The following RANBP2 variants were observed in gnomAD, a reference collection of about 807,000 sequenced individuals.
RANBP2 encodes E3 SUMO-protein ligase RanBP2.
Under a neutral mutation model 303.6 loss-of-function variants are expected in RANBP2, and 57 were observed. The ratio of observed to expected loss-of-function variants is 0.19; its 90% CI spans 0.15 to 0.23. RANBP2 has a LOEUF of 0.23. Ranked by LOEUF, RANBP2 falls within the 10% of genes least tolerant of loss-of-function variation. The pLI is 1.00. For synonymous variants in RANBP2, 1,167 were observed against 1,301.5 expected (o/e 0.90, Z 2.23); for missense variants, 3,138 against 3,780.8 (o/e 0.83, Z 4.46).
chr2:109,217,363 G>A, the RANBP2 span, among the ~76,000 whole-genome samples: 5,184 of 152,282 alleles, frequency 0.034, 266 homozygotes, highest in African/African-American at 0.11. Context: ...ACCATATCGT[G>A]AATGAGGCTA....
At chr2:109,174,265 G>A in the RANBP2 span, among the ~76,000 whole-genome samples, 3 of 152,370 alleles carry the variant, frequency 2.0e-5, no homozygotes, top group East Asian at 5.8e-4. Context: ...GGAAACACAG[G>A]CAGAGAGAAG....
chr2:109,451,313 C>T, the RANBP2 span, among the ~76,000 whole-genome samples: 1 of 152,200 alleles, frequency 6.6e-6, no homozygotes, highest in Non-Finnish European at 1.5e-5. Context: ...GGCTGGGTCT[C>T]ATCAGGAGGG....
Position 108,765,525 on chromosome 2 carries a change from C to G in RANBP2, c.4986C>G (p.Phe1662Leu), listed in dbSNP as rs777676139. 6.4e-7 allele frequency: 1 copy of G among 1,563,934 alleles called. No individual in the cohort carries two copies. The highest frequency in any genetic ancestry group is 8.6e-7 in the Non-Finnish European group (1 of 1,159,904). The change falls in exon 20 of 29, where the codon TTC becomes TTG. Residue 1662 changes from phenylalanine to leucine, a missense_variant. By Grantham distance (22) the Phe-to-Leu change is conservative. Around this residue, in one of 20 missense-constraint regions of RANBP2, gnomAD observed 51 missense variants for 112.1 expected, o/e 0.45. Transcript: ENST00000283195. The part of the protein sequence containing the change: ...KAPKSGFEGM[F>L]TKKEGQWDCS... ...CAAAGAGCGGATTTGAGGGAATGTT[C>G]ACTAAGAAGGAGGGACAGTGGGATT...
the RANBP2 span, among the ~76,000 whole-genome samples, chr2:108,851,395 A>G: frequency 3.3e-5 from 5 of 152,050 alleles, no homozygotes; most frequent in Admixed American, 2.0e-4. Context: ...TCTGCCTCCC[A>G]GGTTCAAGCA....
chr2:108,746,085 A>AT lies in RANBP2; in HGVS notation c.976-620dup, dbSNP rs577063925. On this transcript the variant is annotated intron_variant, in intron 7 of 28. Transcript: ENST00000283195. Reference sequence around the variant, plus strand: ...CCATGCCTGGCTAATTAAAAAAAACATTTTTTAGAGATAGGGTCTCACCGT... The same window carrying AT: ...CCATGCCTGGCTAATTAAAAAAAACATTTTTTTAGAGATAGGGTCTCACCGT... Among the ~76,000 whole-genome samples, 680 of 150,048 alleles carry AT rather than the reference A, an allele frequency of 4.5e-3. 4 individuals are homozygous for AT. The highest frequency in any genetic ancestry group is 0.016 in the African/African-American group (649 of 40,690).
chr2:109,009,253 T>G, the RANBP2 span, among the ~76,000 whole-genome samples: 530 of 151,956 alleles, frequency 3.5e-3, 1 homozygote, highest in Admixed American at 6.8e-3. Flanking sequence ...GGCAGGAGAA[T>G]GGCATCAACC....
chr2:108,738,206 G>T (rs967397326), intron 6 of RANBP2, among the ~76,000 whole-genome samples: 1 of 150,938 alleles, frequency 6.6e-6, no homozygotes, highest in African/African-American at 2.4e-5. Flanking sequence ...CTCCCAAGTA[G>T]CTGGGCCTAC....
At chr2:108,988,560 G>A in the RANBP2 span, among the ~76,000 whole-genome samples, 4 of 152,142 alleles carry the variant, frequency 2.6e-5, 1 homozygote, top group Non-Finnish European at 5.9e-5. Flanking sequence ...TTGGAGGCAG[G>A]TACAGAGCCC....
chr2:109,357,223 C>G, the RANBP2 span, among the ~76,000 whole-genome samples: 1 of 151,736 alleles, frequency 6.6e-6, no homozygotes, highest in African/African-American at 2.4e-5. Context: ...ACTCTGTCGC[C>G]CAGGCTGGAG....
At chr2:109,512,831 A>C in the RANBP2 span, among the ~76,000 whole-genome samples, 2 of 148,794 alleles carry the variant, frequency 1.3e-5, no homozygotes, top group African/African-American at 2.5e-5. Flanking sequence ...ACCCCTCCTC[A>C]CCCCCTCCTG....
At chr2:109,306,698 A>G in the RANBP2 span, among the ~76,000 whole-genome samples, 1 of 152,226 alleles carries the variant, frequency 6.6e-6, no homozygotes, top group Admixed American at 6.5e-5. Flanking sequence ...TACTGAAGAC[A>G]ACTCCAACCT....
chr2:109,629,328 TATATATATATATATATATATATATA>T, the RANBP2 span, among the ~76,000 whole-genome samples: 408 of 13,044 alleles, frequency 0.031, 5 homozygotes, highest in Non-Finnish European at 0.039. Context: ...TATATATATA[TATATATATATATATATATATATATA>T]TATTTTTTTT....
chr2:109,074,856 A>G, the RANBP2 span, among the ~76,000 whole-genome samples: 2 of 148,542 alleles, frequency 1.3e-5, no homozygotes, highest in African/African-American at 4.9e-5. Flanking sequence ...CCCCATCTCT[A>G]CTAAAAATAC....
At chr2:109,167,423 T>G in the RANBP2 span, among the ~76,000 whole-genome samples, 38 of 152,190 alleles carry the variant, frequency 2.5e-4, no homozygotes, top group African/African-American at 8.7e-4. Context: ...AAGGTTTATA[T>G]CCTGGCAAGG....
the RANBP2 span, among the ~76,000 whole-genome samples, chr2:109,401,723 GT>G: frequency 1.3e-5 from 2 of 152,164 alleles, no homozygotes; most frequent in Admixed American, 1.3e-4. Context: ...ACAGGATCCG[GT>G]TTCCTCTCCT....
chr2:109,309,984 G>C, the RANBP2 span, among the ~76,000 whole-genome samples: 1 of 125,594 alleles, frequency 8.0e-6, no homozygotes, highest in Non-Finnish European at 1.6e-5. Flanking sequence ...CTCTGCACCA[G>C]GTGGACCTAA....
the RANBP2 span, among the ~76,000 whole-genome samples, chr2:109,209,895 T>TC: frequency 6.6e-6 from 1 of 151,956 alleles, no homozygotes; most frequent in South Asian, 2.1e-4. Context: ...ATTAAGTACG[T>TC]CCCCCCTGTT....
chr2:109,617,420 ATT>A, the RANBP2 span: 1 of 167,114 alleles, frequency 6.0e-6, no homozygotes, highest in East Asian at 1.9e-4. Flanking sequence ...CATTTCATTC[ATT>A]TATATTAGAG....
At chr2:108,823,380 C>T in the RANBP2 span, among the ~76,000 whole-genome samples, 1 of 152,164 alleles carries the variant, frequency 6.6e-6, no homozygotes, top group Admixed American at 6.5e-5. Context: ...TGCAAAAATC[C>T]TCAACAAAAT....
Sources: gnomAD v4.1 joint callset for allele counts (sites outside exome capture counted in the v4.1 genomes callset) on GRCh38, gnomAD v4.1.1 for gene constraint, gnomAD v4.1.1 regional missense constraint, MANE v1.5 for transcripts, NCBI Gene and HGNC (gene_info 2026-07-23, HGNC 2026-07-21) for gene names.